Variants in TTLL7 observed in about 807,000 individuals in gnomAD.
TTLL7 encodes the protein tubulin tyrosine ligase like 7.
In TTLL7, 53 loss-of-function variants were observed where a neutral mutation model predicts 120.2. That is an observed-to-expected ratio of 0.44 (90% CI 0.35 to 0.55). The LOEUF (loss-of-function observed/expected upper bound fraction) is 0.55, where lower values mean the gene tolerates loss of function less well. Ranked by LOEUF, TTLL7 falls within the 20% of genes least tolerant of loss-of-function variation. TTLL7 has a pLI of 0.00. For missense variants in TTLL7, 803 were observed against 1,054.7 expected (o/e 0.76, Z 3.31); for synonymous variants, 353 against 351.7 (o/e 1.00, Z -0.04).
intron 20 of TTLL7, 94 bp downstream of exon 20, chr1:83,882,869 A>G (rs1654638067): frequency 7.2e-7 from 1 of 1,383,876 alleles, no homozygotes; most frequent in Non-Finnish European, 1.0e-6. Flanking sequence ...CTTTTTCTCT[A>G]GTCACATAAA....
chr1:83,985,758 G>T (rs1652384648), intron 1 of TTLL7, among the ~76,000 whole-genome samples: 1 of 151,600 alleles, frequency 6.6e-6, no homozygotes, highest in Admixed American at 6.6e-5. Flanking sequence ...ACAATAAAAG[G>T]ATAATAAGGG....
intron 8 of TTLL7, among the ~76,000 whole-genome samples, chr1:83,936,402 A>C (rs2100829715): frequency 6.6e-6 from 1 of 152,310 alleles, no homozygotes; most frequent in East Asian, 1.9e-4. Flanking sequence ...GGTCCCACTG[A>C]GCAATAGACC....
At chr1:83,873,973 C>T (rs1653684274) in intron 20 of TTLL7, among the ~76,000 whole-genome samples, 1 of 152,018 alleles carries the variant, frequency 6.6e-6, no homozygotes, top group Non-Finnish European at 1.5e-5. Context: ...TAGTGAAATA[C>T]ATAACATGAG....
rs553214321 is a variant in TTLL7, at chr1:83,960,658, A to G, written c.-176-8271T>C. The stretch of plus-strand genomic sequence containing the variant: ...AGACAATAGAATTAGTGGAGATAAG[A>G]GATAAGGGAATCCTCTACTTTTATA... On this transcript the variant is annotated intron_variant, in intron 1 of 20. Coordinates refer to ENST00000260505, the MANE Select transcript of TTLL7 (RefSeq NM_024686.6). Among the ~76,000 whole-genome samples the G allele has an allele frequency of 1.4e-3, 208 of 152,234 alleles. 1 individual carries two copies. Among genetic ancestry groups the G allele is most frequent in the African/African-American group, 4.8e-3 (200 of 41,562 alleles).
chr1:83,871,454 G>A (rs570679173), intron 20 of TTLL7, among the ~76,000 whole-genome samples: 3 of 152,216 alleles, frequency 2.0e-5, no homozygotes, highest in African/African-American at 7.2e-5. Flanking sequence ...GTAATGATGA[G>A]GAGGAAATGC....
At chr1:83,880,168 TAA>T (rs1177880158) in intron 20 of TTLL7, 6 of 152,022 alleles carry the variant, frequency 3.9e-5, no homozygotes, top group Non-Finnish European at 8.8e-5. Context: ...ATGAAAGTAT[TAA>T]AAGTTTTATT....
chr1:83,913,336 C>A (rs1657836543), intron 14 of TTLL7, among the ~76,000 whole-genome samples: 2 of 152,110 alleles, frequency 1.3e-5, no homozygotes, highest in African/African-American at 4.8e-5. Flanking sequence ...ATAAAAAGAA[C>A]ATTGCTAATA....
chr1:83,884,210 C>G (rs1487469635), intron 19 of TTLL7, among the ~76,000 whole-genome samples: 1 of 151,638 alleles, frequency 6.6e-6, no homozygotes, highest in African/African-American at 2.4e-5. Flanking sequence ...ACTCTTCAAG[C>G]CTCCAGGGGA....
chr1:83,974,912 G>A (rs116440859), intron 1 of TTLL7, among the ~76,000 whole-genome samples: 6,333 of 151,978 alleles, frequency 0.042, 156 homozygotes, highest in Middle Eastern at 0.099. Context: ...CACTGAAATA[G>A]TTACATATGT....
At chr1:83,969,937 T>G (rs1650823562) in intron 1 of TTLL7, among the ~76,000 whole-genome samples, 1 of 152,006 alleles carries the variant, frequency 6.6e-6, no homozygotes, top group Non-Finnish European at 1.5e-5. Context: ...GAAGATTTGC[T>G]TTAATTTACT....
intron 1 of TTLL7, among the ~76,000 whole-genome samples, chr1:83,984,917 T>G (rs942837837): frequency 8.6e-5 from 13 of 151,998 alleles, no homozygotes; most frequent in Non-Finnish European, 1.8e-4. Context: ...GTACCCCTTG[T>G]ATCCAAAATA....
intron 19 of TTLL7, among the ~76,000 whole-genome samples, chr1:83,885,835 A>T (rs533661174): frequency 3.4e-4 from 51 of 152,146 alleles, no homozygotes; most frequent in Non-Finnish European, 6.2e-4. Context: ...AAGTTTTTTT[A>T]AAAGGTGAAG....
At chr1:83,906,632 T>G (rs1657224108) in intron 16 of TTLL7, 169 bp from the exon 17 acceptor site, 1 of 841,322 alleles carries the variant, frequency 1.2e-6, no homozygotes, top group South Asian at 1.6e-5. Context: ...ATTAAATGGA[T>G]ATGAATCCCA....
At position 83,919,376 on chromosome 1, in the gene TTLL7, A is replaced by T. The variant is rs74094992; in HGVS notation, c.1500+323T>A. On this transcript the variant is annotated intron_variant, in intron 13 of 20. Transcript: ENST00000260505. ...AATGTTTGTTATAATCCAAAAAATAAAAACGCTACAAACCACTAGGTTAAT... is the reference window on the plus strand; with the variant it reads ...AATGTTTGTTATAATCCAAAAAATATAAACGCTACAAACCACTAGGTTAAT... 5.3e-3 allele frequency among the ~76,000 whole-genome samples: 804 copies of T among 152,230 alleles called. 5 individuals are homozygous for T. The highest frequency in any genetic ancestry group is 0.018 in the African/African-American group (763 of 41,538).
intron 18 of TTLL7, among the ~76,000 whole-genome samples, chr1:83,894,165 C>T (rs4301649): frequency 6.6e-6 from 1 of 151,944 alleles, no homozygotes; most frequent in Non-Finnish European, 1.5e-5. Context: ...CTTTTCCTTT[C>T]TACTTTCTGT....
At chr1:83,917,736 A>AGTT (rs775858182) in intron 13 of TTLL7, 46 bp from the exon 14 acceptor site, 2 of 1,321,516 alleles carry the variant, frequency 1.5e-6, no homozygotes, top group South Asian at 2.5e-5. Flanking sequence ...AATGGACTCT[A>AGTT]GAATTTTTCC....
chr1:83,948,762 C>G (rs1648750708), intron 4 of TTLL7, 67 bp from the exon 5 acceptor site: 1 of 1,055,524 alleles, frequency 9.5e-7, no homozygotes, highest in Non-Finnish European at 1.4e-6. Context: ...TACGACAATA[C>G]AATTCTATCC....
intron 9 of TTLL7, 54 bp downstream of exon 9, chr1:83,933,554 T>C: frequency 6.4e-7 from 1 of 1,553,288 alleles, no homozygotes; most frequent in Non-Finnish European, 8.7e-7. Context: ...AAAGCATTTA[T>C]TTTAATACGT....
At chr1:83,880,249 A>T (rs1167797228) in intron 20 of TTLL7, 1 of 152,048 alleles carries the variant, frequency 6.6e-6, no homozygotes, top group Non-Finnish European at 1.5e-5. Context: ...TATTTTAAAT[A>T]TTAATGGTTA....
Sources: allele counts gnomAD v4.1 joint callset (sites outside exome capture counted in the v4.1 genomes callset), GRCh38; gene constraint gnomAD v4.1.1; transcripts MANE v1.5; gene names NCBI Gene and HGNC (gene_info 2026-07-23, HGNC 2026-07-21).